The following ZBTB40 variants were observed in gnomAD, a reference collection of about 807,000 sequenced individuals.
The protein encoded by ZBTB40 is zinc finger and BTB domain containing 40.
ZBTB40 carries 60 observed loss-of-function variants against 117.5 expected under a neutral mutation model. That is an observed-to-expected ratio of 0.51 (90% CI 0.41 to 0.63). The LOEUF (loss-of-function observed/expected upper bound fraction) is 0.63, where lower values mean the gene tolerates loss of function less well. Ranked by LOEUF, ZBTB40 falls within the 30% of genes least tolerant of loss-of-function variation. ZBTB40 has a pLI of 0.00. For missense variants in ZBTB40, 1,287 were observed against 1,498.5 expected (o/e 0.86, Z 2.33); for synonymous variants, 525 against 577.1 (o/e 0.91, Z 1.29).
chr1:22,491,804 C>G (rs1343486585), intron 3 of ZBTB40, among the ~76,000 whole-genome samples: 2 of 152,120 alleles, frequency 1.3e-5, no homozygotes, highest in Non-Finnish European at 2.9e-5. Flanking sequence ...ACCATTTACT[C>G]CTGATTAATC....
chr1:22,432,700 C>A (rs1640608601), intron 1 of ZBTB40, among the ~76,000 whole-genome samples: 1 of 152,178 alleles, frequency 6.6e-6, no homozygotes, highest in African/African-American at 2.4e-5. Flanking sequence ...GATACATACT[C>A]CATTTTTCTT....
chr1:22,455,314 G>A (rs1455805014), intron 1 of ZBTB40, among the ~76,000 whole-genome samples: 1 of 152,152 alleles, frequency 6.6e-6, no homozygotes, highest in Non-Finnish European at 1.5e-5. Flanking sequence ...ATGCTTTGAG[G>A]CAAATGGCAG....
chr1:22,491,651 T>A, intron 3 of ZBTB40, 118 bp downstream of exon 3: 1 of 1,248,592 alleles, frequency 8.0e-7, no homozygotes, highest in Non-Finnish European at 1.1e-6. Context: ...CTTTAATTTT[T>A]TTTTTTTTTT....
intron 1 of ZBTB40, among the ~76,000 whole-genome samples, chr1:22,476,396 G>A (rs1163755507): frequency 5.9e-5 from 9 of 151,950 alleles, no homozygotes; most frequent in African/African-American, 2.2e-4. Flanking sequence ...TTTTTTTTGT[G>A]TTCTTTAGAG....
At chr1:22,430,889 T>C (rs141862155) in intron 1 of ZBTB40, among the ~76,000 whole-genome samples, 1 of 152,302 alleles carries the variant, frequency 6.6e-6, no homozygotes, top group East Asian at 1.9e-4. Context: ...TTGATTTAGA[T>C]AACTAGCCAA....
rs547850338 is a variant in ZBTB40 at position 22,510,415 on chromosome 1, G to A, written c.1834-764G>A. On this transcript the variant is annotated intron_variant, in intron 9 of 17. Transcript: ENST00000375647. ...GAGATGGGGCTTCTGCAGTTGATCA[G>A]TTTTAGCCTCACTAATTAGTCTCAT... is the stretch of plus-strand genomic sequence containing the variant. 8.4e-4 allele frequency among the ~76,000 whole-genome samples: 128 copies of A among 152,186 alleles called. 1 individual carries two copies. Among genetic ancestry groups the A allele is most frequent in the Admixed American group, 2.6e-3 (39 of 15,294 alleles).
At chr1:22,512,804 C>A in intron 11 of ZBTB40, 120 bp from the exon 12 acceptor site, 1 of 1,174,756 alleles carries the variant, frequency 8.5e-7, no homozygotes, top group Non-Finnish European at 1.2e-6. Flanking sequence ...GCACCCTGGG[C>A]TTCATGCTGT....
At chr1:22,494,748 AGCC>A (rs1275707985) in intron 3 of ZBTB40, among the ~76,000 whole-genome samples, 4 of 152,326 alleles carry the variant, frequency 2.6e-5, no homozygotes, top group Non-Finnish European at 2.9e-5. Flanking sequence ...TGCCAGACTG[AGCC>A]GCTTGCTAGG....
rs776308150 is a variant in ZBTB40, at chr1:22,509,152, G to C, written c.1752G>C (p.Leu584Phe). 6.2e-7 allele frequency: 1 copy of C among 1,614,086 alleles called. No individual in the cohort carries two copies. The highest frequency in any genetic ancestry group is 1.1e-5 in the South Asian group (1 of 91,066). Residue 584 changes from leucine (L) to phenylalanine (F), a missense_variant, in exon 9 of 18, where the codon TTG becomes TTC. Transcript: ENST00000375647. ...AAACAATCCTGAGGCATAACCAGTTGATCTTGGAGGCCATCCAACAGAAGA... is the reference window on the plus strand; with the variant it reads ...AAACAATCCTGAGGCATAACCAGTTCATCTTGGAGGCCATCCAACAGAAGA... Reference protein sequence around the residue: ...TLETILRHNQLILEAIQQKIE... With the variant: ...TLETILRHNQFILEAIQQKIE...
At chr1:22,467,745 G>A (rs1220553274) in intron 1 of ZBTB40, among the ~76,000 whole-genome samples, 1 of 150,584 alleles carries the variant, frequency 6.6e-6, no homozygotes, top group Admixed American at 6.6e-5. Context: ...GAAGTGCTGG[G>A]ATTACAGACA....
At chr1:22,518,607 G>A (rs559873956) in intron 13 of ZBTB40, among the ~76,000 whole-genome samples, 14 of 152,180 alleles carry the variant, frequency 9.2e-5, no homozygotes, top group South Asian at 4.1e-4. Flanking sequence ...TCACAAGTGC[G>A]CTTTATGTAA....
At position 22,522,775 on chromosome 1, in the gene ZBTB40, T is replaced by A. The variant is rs11578499; in HGVS notation, c.3298+312T>A. Among the ~76,000 whole-genome samples, 22 of 79,544 alleles carry A rather than the reference T, an allele frequency of 2.8e-4. 1 individual carries two copies. Among genetic ancestry groups the A allele is most frequent in the South Asian group, 6.0e-4 (1 of 1,680 alleles). 52.2% of individuals were successfully genotyped at this position (79,544 alleles called of 152,430 possible). A position where few individuals can be genotyped will look rare whatever the true frequency, so the allele number is the denominator to read the frequency against. On this transcript the variant is annotated intron_variant, in intron 16 of 17. Coordinates refer to ENST00000375647, the MANE Select transcript of ZBTB40 (RefSeq NM_014870.4). Reference sequence around the variant, plus strand: ...TATAAGATATACCATTTTTATTTTTTTTTTTTTTGAGACAGAGTCTCACTC... The same window carrying A: ...TATAAGATATACCATTTTTATTTTTATTTTTTTTGAGACAGAGTCTCACTC...
chr1:22,507,716 C>T (rs575651975), intron 6 of ZBTB40, among the ~76,000 whole-genome samples: 21 of 152,314 alleles, frequency 1.4e-4, no homozygotes, highest in Middle Eastern at 3.4e-3. Context: ...GAGTCTCTTA[C>T]AAGTACAGCC....
intron 16 of ZBTB40, 36 bp downstream of exon 16, chr1:22,522,499 T>C (rs761747085): frequency 6.2e-7 from 1 of 1,604,946 alleles, no homozygotes; most frequent in Non-Finnish European, 8.5e-7. Flanking sequence ...TAGGCTAGAC[T>C]CGGGGCCTGA....
intron 1 of ZBTB40, among the ~76,000 whole-genome samples, chr1:22,471,948 C>T (rs1641417542): frequency 6.6e-6 from 1 of 152,172 alleles, no homozygotes; most frequent in South Asian, 2.1e-4. Context: ...GATGGTGCCC[C>T]CTGGTTCTGG....
At chr1:22,446,142 T>TA (rs1002591606) in intron 1 of ZBTB40, among the ~76,000 whole-genome samples, 2 of 151,454 alleles carry the variant, frequency 1.3e-5, no homozygotes, top group Non-Finnish European at 2.9e-5. Flanking sequence ...ATGCCTTTGA[T>TA]ACGCTTATTA....
intron 1 of ZBTB40, among the ~76,000 whole-genome samples, chr1:22,434,350 A>G (rs1389041494): frequency 6.6e-6 from 1 of 152,186 alleles, no homozygotes; most frequent in Non-Finnish European, 1.5e-5. Context: ...TATTAGGAAA[A>G]TGAATCCTTT....
In ZBTB40 at chr1:22,530,184, A is replaced by G. The variant is rs1376806170; in HGVS notation, c.*3788A>G. ...CCTAGGCAGTTGGACGATAATGGAGAAAAAGCAGGGATGCTATAATGAGTC... is the reference window on the plus strand; with the variant it reads ...CCTAGGCAGTTGGACGATAATGGAGGAAAAGCAGGGATGCTATAATGAGTC... On this transcript the variant is annotated 3_prime_UTR_variant, in exon 18 of 18. Coordinates refer to ENST00000375647, the MANE Select transcript of ZBTB40 (RefSeq NM_014870.4). 6.6e-6 allele frequency: 1 copy of G among 152,354 alleles called. No homozygotes were observed. Among genetic ancestry groups the G allele is most frequent in the Admixed American group, 6.6e-5 (1 of 15,262 alleles). The allele number at this position is 152,354 out of a possible 1,614,324, so 9.4% of individuals were successfully genotyped here.
At chr1:22,516,492 G>A (rs957950245) in intron 12 of ZBTB40, among the ~76,000 whole-genome samples, 4 of 151,990 alleles carry the variant, frequency 2.6e-5, no homozygotes, top group African/African-American at 4.8e-5. Flanking sequence ...GATTGAGAAC[G>A]TCAAGGACTA....
Sources: allele counts gnomAD v4.1 joint callset (sites outside exome capture counted in the v4.1 genomes callset), GRCh38; gene constraint gnomAD v4.1.1; transcripts MANE v1.5; gene names NCBI Gene and HGNC (gene_info 2026-07-23, HGNC 2026-07-21).